Variants in LNX1 observed in about 807,000 individuals in gnomAD.
LNX1 encodes ligand of numb-protein X 1.
A neutral mutation model predicts 68.4 loss-of-function variants in LNX1; 54 were observed. The observed-to-expected ratio is 0.79, with a 90% CI of 0.63 to 0.99. The LOEUF (loss-of-function observed/expected upper bound fraction) is 0.99. Among genes scored for constraint, LNX1 ranks in the 50% least tolerant of loss-of-function variants. The pLI is 0.00. For synonymous variants in LNX1, 336 were observed against 350.0 expected, an observed-to-expected ratio of 0.96 and a Z score of 0.45; for missense variants, 906 against 926.4, an observed-to-expected ratio of 0.98 and a Z score of 0.29.
At chr4:53,557,996 C>T in intron 2 of LNX1, 1 of 1,612,476 alleles carries the variant, frequency 6.2e-7, no homozygotes, top group Admixed American at 1.7e-5. Context: ...TTCTCCCTGG[C>T]CACCTTCTGT....
At chr4:53,616,871 T>C (rs1733699756) in intron 1 of LNX1, among the ~76,000 whole-genome samples, 1 of 152,174 alleles carries the variant, frequency 6.6e-6, no homozygotes, top group Non-Finnish European at 1.5e-5. Context: ...TGGCTTGAAA[T>C]GTAGCTAGCT....
chr4:53,631,038 T>A (rs192999052), intron 1 of LNX1, among the ~76,000 whole-genome samples: 1 of 152,288 alleles, frequency 6.6e-6, no homozygotes, highest in African/African-American at 2.4e-5. Context: ...TTGCAGTAAG[T>A]GCTCCTGGGC....
At chr4:53,634,030 T>G (rs1734373356) in intron 1 of LNX1, among the ~76,000 whole-genome samples, 1 of 152,164 alleles carries the variant, frequency 6.6e-6, no homozygotes, top group African/African-American at 2.4e-5. Flanking sequence ...AATAACACTC[T>G]GAAACCATTG....
At chr4:53,600,455 G>A (rs561658252) in intron 2 of LNX1, among the ~76,000 whole-genome samples, 1 of 152,238 alleles carries the variant, frequency 6.6e-6, no homozygotes, top group East Asian at 1.9e-4. Context: ...TTGCTTCCAA[G>A]AAAGGGCAGG....
chr4:53,516,148 A>G (rs566903418), intron 2 of LNX1, among the ~76,000 whole-genome samples: 1 of 152,286 alleles, frequency 6.6e-6, no homozygotes, highest in East Asian at 1.9e-4. Flanking sequence ...AGGCGGAGGC[A>G]GGAGGACTGC....
chr4:53,579,083 C>T (rs1425848125), intron 1 of LNX1, among the ~76,000 whole-genome samples: 1 of 152,094 alleles, frequency 6.6e-6, no homozygotes, highest in Non-Finnish European at 1.5e-5. Flanking sequence ...TTTCTCCCAC[C>T]AAAAGTAAGA....
intron 1 of LNX1, among the ~76,000 whole-genome samples, chr4:53,585,599 G>A (rs1359096522): frequency 1.3e-5 from 2 of 152,140 alleles, no homozygotes; most frequent in African/African-American, 2.4e-5. Context: ...AATGACAGAT[G>A]TCCTTAGACA....
intron 2 of LNX1, among the ~76,000 whole-genome samples, chr4:53,563,992 T>G (rs533338943): frequency 3.0e-3 from 458 of 152,330 alleles, no homozygotes; most frequent in Non-Finnish European, 5.3e-3. Flanking sequence ...CTTGAGAGCA[T>G]GTGTTGAGGC....
chr4:53,528,286 TC>T (rs1727768380), intron 2 of LNX1, among the ~76,000 whole-genome samples: 1 of 152,238 alleles, frequency 6.6e-6, no homozygotes, highest in South Asian at 2.1e-4. Flanking sequence ...TTACCTGTGG[TC>T]AACTGCAGCT....
At chr4:53,481,233 C>T (rs1394222814) in intron 7 of LNX1, among the ~76,000 whole-genome samples, 1 of 152,220 alleles carries the variant, frequency 6.6e-6, no homozygotes, top group East Asian at 1.9e-4. Context: ...CCCCAATCCC[C>T]ACCACTCCCT....
chr4:53,520,241 A>G (rs1727115730), intron 2 of LNX1, among the ~76,000 whole-genome samples: 3 of 152,206 alleles, frequency 2.0e-5, no homozygotes, highest in South Asian at 2.1e-4. Context: ...AGGGCTTCCC[A>G]GGGACTGAAA....
intron 2 of LNX1, among the ~76,000 whole-genome samples, chr4:53,614,494 C>T (rs932826118): frequency 6.6e-6 from 1 of 152,148 alleles, no homozygotes; most frequent in African/African-American, 2.4e-5. Context: ...AGCAAATTGG[C>T]CTGTTAGGCA....
intron 2 of LNX1, among the ~76,000 whole-genome samples, chr4:53,513,781 T>C (rs1324665132): frequency 2.0e-5 from 3 of 152,248 alleles, no homozygotes; most frequent in African/African-American, 4.8e-5. Flanking sequence ...CTTGCTTCCA[T>C]ACTTGTGTTG....
chr4:53,576,126 T>C, intron 1 of LNX1: 1 of 1,559,280 alleles, frequency 6.4e-7, no homozygotes, highest in East Asian at 2.4e-5. Flanking sequence ...GGCCCCTCCT[T>C]GATTCTGTGG....
intron 1 of LNX1, among the ~76,000 whole-genome samples, chr4:53,628,625 G>A (rs1012060008): frequency 6.6e-6 from 1 of 152,120 alleles, no homozygotes; most frequent in African/African-American, 2.4e-5. Context: ...CCACTGTTGG[G>A]TACCTACCCA....
chr4:53,469,517 A>T (rs1369318194), intron 9 of LNX1, among the ~76,000 whole-genome samples: 1 of 152,228 alleles, frequency 6.6e-6, no homozygotes, highest in Non-Finnish European at 1.5e-5. Flanking sequence ...AAATAGAGAC[A>T]CAAAAAACCC....
chr4:53,635,596 G>A (rs1296572458), intron 1 of LNX1, among the ~76,000 whole-genome samples: 2 of 152,202 alleles, frequency 1.3e-5, no homozygotes, highest in Admixed American at 6.5e-5. Context: ...ATGCTTTAAT[G>A]TAAAAAATGT....
At chr4:53,623,193 G>A (rs1733948392) in intron 1 of LNX1, among the ~76,000 whole-genome samples, 1 of 139,070 alleles carries the variant, frequency 7.2e-6, no homozygotes, top group Admixed American at 8.0e-5. Context: ...GAGCGTTTGC[G>A]TTGAGAGCAA....
chr4:53,584,810 G>A (rs529863222), intron 1 of LNX1, among the ~76,000 whole-genome samples: 5 of 152,316 alleles, frequency 3.3e-5, no homozygotes, highest in South Asian at 2.1e-4. Context: ...CACTTCCACT[G>A]ATGGAGAACT....
Sources: allele counts gnomAD v4.1 joint callset (sites outside exome capture counted in the v4.1 genomes callset), GRCh38; gene constraint gnomAD v4.1.1; transcripts MANE v1.5; gene names NCBI Gene and HGNC (gene_info 2026-07-23, HGNC 2026-07-21).